The following CLINT1 variants were observed in gnomAD, a reference collection of about 807,000 sequenced individuals.
The protein encoded by CLINT1 is clathrin interactor 1, also known as clathrin interacting protein localized in the trans-Golgi region.
In CLINT1, 15 loss-of-function variants were observed where a neutral mutation model predicts 70.4. The ratio of observed to expected loss-of-function variants is 0.21; its 90% CI spans 0.14 to 0.33. CLINT1 has a LOEUF of 0.33. Ranked by LOEUF, CLINT1 falls within the 10% of genes least tolerant of loss-of-function variation. The pLI, the probability that CLINT1 is intolerant of heterozygous loss-of-function variation, is 1.00. For missense variants in CLINT1, 615 were observed against 778.1 expected (o/e 0.79, Z 2.49); for synonymous variants, 227 against 254.7 (o/e 0.89, Z 1.04).
At chr5:157,830,221 T>TACA (rs1232331657) in intron 1 of CLINT1, among the ~76,000 whole-genome samples, 6 of 152,340 alleles carry the variant, frequency 3.9e-5, no homozygotes, top group Non-Finnish European at 8.8e-5. Context: ...GTGCTGGGAT[T>TACA]ACAGGCATCA....
At chr5:157,790,621 T>C in intron 10 of CLINT1, 1 of 454,726 alleles carries the variant, frequency 2.2e-6, no homozygotes, top group Non-Finnish European at 4.4e-6. Context: ...TTTCTTCTTT[T>C]CCTTCATCCT....
At chr5:157,847,248 AAT>A (rs1753414107) in intron 1 of CLINT1, among the ~76,000 whole-genome samples, 1 of 152,230 alleles carries the variant, frequency 6.6e-6, no homozygotes, top group Non-Finnish European at 1.5e-5. Context: ...TCACACCTGT[AAT>A]CCTAGCACTT....
intron 1 of CLINT1, among the ~76,000 whole-genome samples, chr5:157,837,001 C>A (rs1763444127): frequency 6.6e-6 from 1 of 152,146 alleles, no homozygotes; most frequent in Non-Finnish European, 1.5e-5. Flanking sequence ...ATTAAAAAGC[C>A]AGGTTATCCT....
intron 9 of CLINT1, among the ~76,000 whole-genome samples, chr5:157,794,447 A>G (rs947171641): frequency 7.2e-5 from 11 of 152,232 alleles, no homozygotes; most frequent in African/African-American, 2.7e-4. Context: ...AATGAAGTTC[A>G]GTTATTTTTC....
At chr5:157,831,948 G>A (rs543019649) in intron 1 of CLINT1, among the ~76,000 whole-genome samples, 3 of 151,554 alleles carry the variant, frequency 2.0e-5, no homozygotes, top group East Asian at 2.0e-4. Context: ...CGCCCACCTC[G>A]GCCTCCCAAA....
chr5:157,789,027 C>T (rs1761819241), intron 11 of CLINT1, among the ~76,000 whole-genome samples: 1 of 150,896 alleles, frequency 6.6e-6, no homozygotes, highest in Non-Finnish European at 1.5e-5. Flanking sequence ...TGGCAATTAC[C>T]CCTCAACGGC....
rs184795188 is a variant in CLINT1 at position 157,787,664 on chromosome 5, G to A, written c.1860C>T (p.Phe620=). 3.8e-4 allele frequency: 610 copies of A among 1,613,020 alleles called. 1 individual carries two copies. In the African/African-American group the frequency reaches 4.4e-3, roughly 12 times the overall value. The change falls in exon 12 of 12, where the codon TTC becomes TTT. Residue 620 remains phenylalanine (F), a synonymous_variant. Coordinates refer to ENST00000411809, the MANE Select transcript of CLINT1 (RefSeq NM_014666.4). ...CAATCTCTTATTTGCTAAAATTGGCGAAATTTGCAAAGGCATCTTGCTTGG... is the reference window on the plus strand; with the variant it reads ...CAATCTCTTATTTGCTAAAATTGGCAAAATTTGCAAAGGCATCTTGCTTGG... ...VQPKQDAFAN[F]ANFSK is the part of the protein sequence containing the mutation.
At chr5:157,838,579 T>A (rs1011290870) in intron 1 of CLINT1, among the ~76,000 whole-genome samples, 1 of 152,226 alleles carries the variant, frequency 6.6e-6, no homozygotes, top group Non-Finnish European at 1.5e-5. Context: ...ACACTTCTAT[T>A]TGCAAAATAA....
intron 3 of CLINT1, among the ~76,000 whole-genome samples, chr5:157,816,415 C>T (rs1762722821): frequency 6.6e-6 from 1 of 152,118 alleles, no homozygotes; most frequent in Non-Finnish European, 1.5e-5. Flanking sequence ...CTGTGGTATT[C>T]ATCTTAACTG....
At chr5:157,836,312 A>G (rs1326033427) in intron 1 of CLINT1, among the ~76,000 whole-genome samples, 1 of 152,238 alleles carries the variant, frequency 6.6e-6, no homozygotes, top group Non-Finnish European at 1.5e-5. Flanking sequence ...TGAGGCACAA[A>G]GAGGTTAAGT....
intron 1 of CLINT1, among the ~76,000 whole-genome samples, chr5:157,851,043 C>T (rs1753555988): frequency 1.3e-5 from 2 of 152,136 alleles, no homozygotes; most frequent in East Asian, 1.9e-4. Context: ...CTTCCCTTCT[C>T]GGCCTCCCAA....
At chr5:157,831,862 T>C (rs1392701574) in intron 1 of CLINT1, among the ~76,000 whole-genome samples, 1 of 152,090 alleles carries the variant, frequency 6.6e-6, no homozygotes, top group Non-Finnish European at 1.5e-5. Context: ...CAGCTAATTT[T>C]TGTATTTGTA....
At chr5:157,836,598 A>G (rs1294092889) in intron 1 of CLINT1, among the ~76,000 whole-genome samples, 1 of 152,102 alleles carries the variant, frequency 6.6e-6, no homozygotes, top group Non-Finnish European at 1.5e-5. Context: ...CTTAGAATAA[A>G]CCCAAACTCC....
At chr5:157,816,341 AAATACTGTGAG>A (rs1302957722) in intron 3 of CLINT1, among the ~76,000 whole-genome samples, 1 of 152,194 alleles carries the variant, frequency 6.6e-6, no homozygotes, top group Non-Finnish European at 1.5e-5. Flanking sequence ...TTTGGATACA[AAATACTGTGAG>A]AATACTATCA....
chr5:157,838,123 T>TG (rs567369386), intron 1 of CLINT1, among the ~76,000 whole-genome samples: 2 of 59,922 alleles, frequency 3.3e-5, no homozygotes, highest in Non-Finnish European at 6.9e-5. Context: ...GGTTTTTTTG[T>TG]TTTTTTTTTT....
At chr5:157,790,480 A>G in intron 10 of CLINT1, 1 of 324,958 alleles carries the variant, frequency 3.1e-6, no homozygotes, top group South Asian at 2.6e-5. Context: ...GAGGAAGAAT[A>G]ATTAAAAATG....
intron 1 of CLINT1, among the ~76,000 whole-genome samples, chr5:157,848,466 T>C (rs1581545537): frequency 6.6e-6 from 1 of 151,924 alleles, no homozygotes; most frequent in East Asian, 1.9e-4. Flanking sequence ...GTGGGCAACT[T>C]AGCTGATAAA....
At chr5:157,815,630 T>C (rs1310944336) in intron 3 of CLINT1, among the ~76,000 whole-genome samples, 1 of 152,216 alleles carries the variant, frequency 6.6e-6, no homozygotes, top group Non-Finnish European at 1.5e-5. Context: ...TTTACAGCCA[T>C]GTGTCACTTA....
chr5:157,844,987 A>G (rs1169281385), intron 1 of CLINT1, among the ~76,000 whole-genome samples: 1 of 152,190 alleles, frequency 6.6e-6, no homozygotes, highest in African/African-American at 2.4e-5. Context: ...AGGTCAGAAA[A>G]AATTCCTTCT....
Sources: allele counts gnomAD v4.1 joint callset (sites outside exome capture counted in the v4.1 genomes callset), GRCh38; gene constraint gnomAD v4.1.1; transcripts MANE v1.5; gene names NCBI Gene and HGNC (gene_info 2026-07-23, HGNC 2026-07-21).